Variants in ATN1 observed in about 807,000 individuals in gnomAD.
The protein encoded by ATN1 is atrophin 1.
In ATN1, 19 loss-of-function variants were observed where a neutral mutation model predicts 85.8. The observed-to-expected ratio is 0.22, with a 90% CI of 0.15 to 0.32. The LOEUF (loss-of-function observed/expected upper bound fraction) is 0.32, where lower values mean the gene tolerates loss of function less well. ATN1 is among the 10% of genes least tolerant of loss of function. The pLI is 1.00. For missense variants in ATN1, 1,453 were observed against 1,564.5 expected, an observed-to-expected ratio of 0.93 and a Z score of 1.20; for synonymous variants, 674 against 657.0, an observed-to-expected ratio of 1.03 and a Z score of -0.39.
Position 6,934,196 on chromosome 12 carries a change from G to A in ATN1, c.48G>A (p.Arg16=). ...NKDSMSMRSG[R]KKEAPGPREE... is the part of the protein sequence containing the mutation. ...TGTAGATGTCAATGAGGAGTGGACG[G>A]AAGAAAGAGGCCCCTGGGCCCCGGG... Residue 16 remains arginine, a synonymous_variant, in exon 3 of 10, where the codon CGG becomes CGA. Coordinates refer to ENST00000396684, the MANE Select transcript of ATN1 (RefSeq NM_001940.4). The surrounding 1 kb of genome is among the most constrained non-coding windows in gnomAD (Gnocchi z 4.5). The A allele has an allele frequency of 6.2e-7, 1 of 1,605,718 alleles. No individual in the cohort carries two copies. Among genetic ancestry groups the A allele is most frequent in the Non-Finnish European group, 8.5e-7 (1 of 1,177,960 alleles).
At chr12:6,931,860 C>A (rs1565563949) in intron 1 of ATN1, among the ~76,000 whole-genome samples, 1 of 150,608 alleles carries the variant, frequency 6.6e-6, no homozygotes, top group Non-Finnish European at 1.5e-5. Flanking sequence ...ATGGTGAAAC[C>A]CTGTCTCTAC....
rs1945524659 is a variant in ATN1, at chr12:6,935,882, G to A, written c.615G>A (p.Met205Ile). The A allele has an allele frequency of 2.5e-6, 4 of 1,613,670 alleles. No homozygotes were observed. The East Asian group carries it at 6.7e-5, about 27-fold the overall frequency. The change falls in exon 5 of 10, where the codon ATG becomes ATA. Residue 205 changes from methionine to isoleucine, a missense_variant. This residue lies in a region of ATN1 where 990 missense variants were observed against 914.8 expected (regional missense o/e 1.08). Coordinates refer to ENST00000396684, the MANE Select transcript of ATN1 (RefSeq NM_001940.4). This position sits in a 1 kb window ranked among gnomAD's most constrained non-coding sequence, Gnocchi z 5.3. ...CCATGGAGCCCCCCACATCTCGAATGTTCCAGGCTCCTCCTGGGGCCCCTC... is the reference window on the plus strand; with the variant it reads ...CCATGGAGCCCCCCACATCTCGAATATTCCAGGCTCCTCCTGGGGCCCCTC... The part of the protein sequence containing the change: ...HAPMEPPTSR[M>I]FQAPPGAPPP...
rs782725919 is a variant in ATN1 at position 6,937,995 on chromosome 12, G to A, written c.2445G>A (p.Lys815=). The A allele has an allele frequency of 1.1e-5, 17 of 1,546,076 alleles. No homozygotes were observed. Among genetic ancestry groups the A allele is most frequent in the African/African-American group, 5.5e-5 (4 of 72,964 alleles). The change falls in exon 6 of 10, where the codon AAG becomes AAA. Residue 815 remains lysine, a synonymous_variant. Transcript: ENST00000396684. The surrounding 1 kb of genome is among the most constrained non-coding windows in gnomAD (Gnocchi z 6.0). Reference sequence around the variant, plus strand: ...CCGAGCAGCGCGCGCGCGAAGAAAAGGAGCGCGAGCGCGAGCGGGAACGCG... The same window carrying A: ...CCGAGCAGCGCGCGCGCGAAGAAAAAGAGCGCGAGCGCGAGCGGGAACGCG... ...REAEQRAREE[K]EREREREREK...
chr12:6,936,813 CCCCACCCACTGGAGGGCGGTAGCT>C lies in ATN1; in HGVS notation c.1553_1576del (p.Pro518_His525del). 2 of 1,613,624 alleles carry C rather than the reference CCCCACCCACTGGAGGGCGGTAGCT, an allele frequency of 1.2e-6. No homozygotes were observed. Among genetic ancestry groups the C allele is most frequent in the Non-Finnish European group, 1.7e-6 (2 of 1,179,792 alleles). On this transcript the variant is annotated inframe_deletion, in exon 5 of 10. Transcript: ENST00000396684. Reference sequence around the variant, plus strand: ...TGGGCCCCCTCCTCCTGGAGCATTTCCCCACCCACTGGAGGGCGGTAGCTCCCACCACGCACACCCTTACGCCAT... The same window carrying C: ...TGGGCCCCCTCCTCCTGGAGCATTTCCCCACCACGCACACCCTTACGCCAT...
upstream of ATN1, among the ~76,000 whole-genome samples, chr12:6,925,194 A>T (rs1305101091): frequency 6.6e-6 from 1 of 151,656 alleles, no homozygotes; most frequent in African/African-American, 2.4e-5. Context: ...CCTGGCCCTC[A>T]GGTAGGGGAG....
intron 6 of ATN1, 60 bp downstream of exon 6, chr12:6,938,127 G>T (rs1309418861): frequency 1.1e-5 from 16 of 1,481,984 alleles, no homozygotes; most frequent in African/African-American, 1.4e-5. Context: ...TTCCCTCTGC[G>T]CTGCGCTGCG....
In ATN1 at chr12:6,935,988, G is replaced by C. The variant is rs1374203294; in HGVS notation, c.721G>C (p.Ala241Pro). ...AATGGGTCCCAAGGGGGGAGGGGCT[G>C]CCTCATCAGTGGGGGGCCCTAATGG... Reference protein sequence around the residue: ...PPMGPKGGGAASSVGGPNGGK... With the variant: ...PPMGPKGGGAPSSVGGPNGGK... The change falls in exon 5 of 10, where the codon GCC becomes CCC. Residue 241 changes from alanine to proline, a missense_variant. Ala to Pro is a conservative substitution (Grantham distance 27). Coordinates refer to ENST00000396684, the MANE Select transcript of ATN1 (RefSeq NM_001940.4). The surrounding 1 kb of genome is among the most constrained non-coding windows in gnomAD (Gnocchi z 5.3). The C allele has an allele frequency of 6.3e-7, 1 of 1,587,596 alleles. No individual in the cohort carries two copies. Among genetic ancestry groups the C allele is most frequent in the Non-Finnish European group, 8.6e-7 (1 of 1,166,744 alleles).
At chr12:6,927,072 C>T (rs1555142639), upstream of ATN1, among the ~76,000 whole-genome samples, 2 of 151,842 alleles carry the variant, frequency 1.3e-5, no homozygotes, top group Non-Finnish European at 2.9e-5. Context: ...GCGTTCCCTC[C>T]TCTCTCTCCT....
rs7969685 is a variant in ATN1, at chr12:6,937,980, C to A, written c.2430C>A (p.Arg810=). Residue 810 remains arginine, a synonymous_variant, in exon 6 of 10, where the codon CGC becomes CGA. Transcript: ENST00000396684. This position sits in a 1 kb window ranked among gnomAD's most constrained non-coding sequence, Gnocchi z 6.0. Reference sequence around the variant, plus strand: ...AGGTGCGGCGCGAGGCCGAGCAGCGCGCGCGCGAAGAAAAGGAGCGCGAGC... The same window carrying A: ...AGGTGCGGCGCGAGGCCGAGCAGCGAGCGCGCGAAGAAAAGGAGCGCGAGC... The part of the protein sequence containing the change: ...VEKVRREAEQ[R]AREEKERERE... 0.32 allele frequency: 495,295 copies of A among 1,552,886 alleles called. 84,985 individuals carry two copies. Among genetic ancestry groups the A allele is most frequent in the Non-Finnish European group, 0.36 (410,556 of 1,148,948 alleles).
At position 6,941,958 on chromosome 12, in the gene ATN1, TGTG is replaced by T; in HGVS notation, c.*182_*184del. ...GGACAGACAGAAGGCCAAGGCCCGA[TGTG>T]GTGTGCAGAGGTGGGGAGGTGGCGA... On this transcript the variant is annotated 3_prime_UTR_variant, in exon 10 of 10. Transcript: ENST00000396684. The surrounding 1 kb of genome is among the most constrained non-coding windows in gnomAD (Gnocchi z 5.9). The T allele has an allele frequency of 1.5e-6, 1 of 657,756 alleles. No individual in the cohort carries two copies. The highest frequency in any genetic ancestry group is 2.7e-6 in the Non-Finnish European group (1 of 371,912). The allele number at this position is 657,756 out of a possible 1,614,324, so 40.7% of individuals were successfully genotyped here. A position where few individuals can be genotyped will look rare whatever the true frequency, so the allele number is the denominator to read the frequency against.
rs1466740561 is a variant in ATN1, at chr12:6,938,008, G to C, written c.2458G>C (p.Glu820Gln). The change falls in exon 6 of 10, where the codon GAG becomes CAG. Residue 820 changes from glutamate (E) to glutamine (Q), a missense_variant. Physicochemically the swap from Glu to Gln is conservative, Grantham distance 29. Coordinates refer to ENST00000396684, the MANE Select transcript of ATN1 (RefSeq NM_001940.4). The stretch of plus-strand genomic sequence containing the variant: ...GCGCGAAGAAAAGGAGCGCGAGCGC[G>C]AGCGGGAACGCGAGAAAGAGCGCGA... ...RAREEKERER[E>Q]REREKERERE... 112 of 1,542,164 alleles carry C rather than the reference G, an allele frequency of 7.3e-5. No individual in the cohort carries two copies. Among genetic ancestry groups the C allele is most frequent in the Non-Finnish European group, 9.6e-5 (110 of 1,142,070 alleles).
In ATN1 at chr12:6,937,483, G is replaced by T; in HGVS notation, c.2216G>T (p.Ser739Ile). 6.5e-7 allele frequency: 1 copy of T among 1,545,838 alleles called. No individual in the cohort carries two copies. Reference protein sequence around the residue: ...EPAEEYETPESPVPPARSPSP... With the variant: ...EPAEEYETPEIPVPPARSPSP... ...GCTGAGGAGTATGAGACCCCCGAGAGCCCGGTGCCCCCAGCCCGCAGCCCC... is the reference window on the plus strand; with the variant it reads ...GCTGAGGAGTATGAGACCCCCGAGATCCCGGTGCCCCCAGCCCGCAGCCCC... The change falls in exon 5 of 10, where the codon AGC becomes ATC. Residue 739 changes from serine (S) to isoleucine (I), a missense_variant. This residue lies in a region of ATN1 where 990 missense variants were observed against 914.8 expected (regional missense o/e 1.08). Coordinates refer to ENST00000396684, the MANE Select transcript of ATN1 (RefSeq NM_001940.4). The surrounding 1 kb of genome is among the most constrained non-coding windows in gnomAD (Gnocchi z 6.0).
rs1945589866 is a variant in ATN1 at position 6,938,661 on chromosome 12, C to A, written c.2698C>A (p.Arg900Ser). The change falls in exon 7 of 10, where the codon CGC becomes AGC. Residue 900 changes from arginine to serine, a missense_variant. By Grantham distance (110) the Arg-to-Ser change is moderately radical. Coordinates refer to ENST00000396684, the MANE Select transcript of ATN1 (RefSeq NM_001940.4). ...ARPHVMSPGN[R>S]NHPFYVPLGA... ...GCCTCATGTCATGTCTCCTGGCAAT[C>A]GCAACCATCCATTCTACGTGCCCCT... 6.2e-7 allele frequency: 1 copy of A among 1,614,242 alleles called. No individual in the cohort carries two copies. The highest frequency in any genetic ancestry group is 8.5e-7 in the Non-Finnish European group (1 of 1,180,046).
chr12:6,940,929 C>T lies in ATN1; in HGVS notation c.3264C>T (p.His1088=), dbSNP rs782083544. 6.2e-7 allele frequency: 1 copy of T among 1,614,224 alleles called. No homozygotes were observed. Among genetic ancestry groups the T allele is most frequent in the East Asian group, 2.2e-5 (1 of 44,886 alleles). The change falls in exon 8 of 10, where the codon CAC becomes CAT. Residue 1088 remains histidine, a synonymous_variant. Coordinates refer to ENST00000396684, the MANE Select transcript of ATN1 (RefSeq NM_001940.4). The part of the protein sequence containing the change: ...PLIDPLASGS[H]LTRIPYPAGT... Reference sequence around the variant, plus strand: ...TTGACCCCCTGGCCTCAGGGTCTCACCTTACCCGGATCCCCTACCCAGCTG... The same window carrying T: ...TTGACCCCCTGGCCTCAGGGTCTCATCTTACCCGGATCCCCTACCCAGCTG...
At position 6,936,761 on chromosome 12, in the gene ATN1, G is replaced by T. The variant is rs199988271; in HGVS notation, c.1494G>T (p.Gln498His). The change falls in exon 5 of 10, where the codon CAG (glutamine) becomes CAT (histidine). Residue 498 changes from glutamine (Q) to histidine (H), a missense_variant. Gln to His is a conservative substitution (Grantham distance 24). Around this residue, in one of 6 missense-constraint regions of ATN1, gnomAD observed 990 missense variants for 914.8 expected, o/e 1.08. Transcript: ENST00000396684. ...AGCAGCAGCAGCAGCAGCAGCAGCA[G>T]CAGCAGCAGCAGCATCACGGAAACT... is the stretch of plus-strand genomic sequence containing the variant. Reference protein sequence around the residue: ...QQQQQQQQQQQQQQQHHGNSG... With the variant: ...QQQQQQQQQQHQQQQHHGNSG... 121 of 1,300,246 alleles carry T rather than the reference G, an allele frequency of 9.3e-5. No individual in the cohort carries two copies. The highest frequency in any genetic ancestry group is 1.2e-4 in the Non-Finnish European group (115 of 925,512). 80.5% of individuals were successfully genotyped at this position (1,300,246 alleles called of 1,614,324 possible).
chr12:6,941,439 G>T lies in ATN1; in HGVS notation c.3424G>T (p.Ala1142Ser). ...APMSAAHQLQ[A>S]MHAQSAELQR... ...GATGTCAGCAGCTCATCAGCTGCAG[G>T]CCATGCACGCACAGTCAGCTGAGCT... The change falls in exon 9 of 10, where the codon GCC (alanine) becomes TCC (serine). Residue 1142 changes from alanine (A) to serine (S), a missense_variant. Around this residue, in one of 6 missense-constraint regions of ATN1, gnomAD observed 118 missense variants for 163.7 expected, o/e 0.72. Coordinates refer to ENST00000396684, the MANE Select transcript of ATN1 (RefSeq NM_001940.4). This position sits in a 1 kb window ranked among gnomAD's most constrained non-coding sequence, Gnocchi z 5.9. 6.2e-7 allele frequency: 1 copy of T among 1,612,350 alleles called. No individual in the cohort carries two copies. Among genetic ancestry groups the T allele is most frequent in the Non-Finnish European group, 8.5e-7 (1 of 1,179,586 alleles).
At position 6,941,942 on chromosome 12, in the gene ATN1, GA is replaced by G; in HGVS notation, c.*164del. 2 of 710,092 alleles carry G rather than the reference GA, an allele frequency of 2.8e-6. No individual in the cohort carries two copies. The highest frequency in any genetic ancestry group is 2.6e-5 in the East Asian group (1 of 38,000). 44.0% of individuals were successfully genotyped at this position (710,092 alleles called of 1,614,324 possible). A position where few individuals can be genotyped will look rare whatever the true frequency, so the allele number is the denominator to read the frequency against. On this transcript the variant is annotated 3_prime_UTR_variant, in exon 10 of 10. Transcript: ENST00000396684. This position sits in a 1 kb window ranked among gnomAD's most constrained non-coding sequence, Gnocchi z 5.9. ...AGAGTGGGGGAGGGAGGGACAGACAGAAGGCCAAGGCCCGATGTGGTGTGCA... is the reference window on the plus strand; with the variant it reads ...AGAGTGGGGGAGGGAGGGACAGACAGAGGCCAAGGCCCGATGTGGTGTGCA...
At position 6,936,340 on chromosome 12, in the gene ATN1, C is replaced by G. The variant is rs142366172; in HGVS notation, c.1073C>G (p.Ser358Cys). The G allele has an allele frequency of 1.7e-5, 27 of 1,613,924 alleles. No individual in the cohort carries two copies. In the African/African-American group the frequency reaches 3.5e-4, roughly 21 times the overall value. The change falls in exon 5 of 10, where the codon TCT (serine) becomes TGT (cysteine). Residue 358 changes from serine to cysteine, a missense_variant. Coordinates refer to ENST00000396684, the MANE Select transcript of ATN1 (RefSeq NM_001940.4). Reference sequence around the variant, plus strand: ...CCAACTCTGGCTCCTTCACCCCACTCTCTGCCTCCTGCTTCCTCTTCTGCT... The same window carrying G: ...CCAACTCTGGCTCCTTCACCCCACTGTCTGCCTCCTGCTTCCTCTTCTGCT... ...KGPTLAPSPHSLPPASSSAPA... is the reference protein window; with the variant it reads ...KGPTLAPSPHCLPPASSSAPA...
rs1386302170 is a variant in ATN1, at chr12:6,935,311, T to C, written c.280-236T>C. 6.6e-6 allele frequency among the ~76,000 whole-genome samples: 1 copy of C among 151,942 alleles called. No homozygotes were observed. The highest frequency in any genetic ancestry group is 1.9e-4 in the East Asian group (1 of 5,186). On this transcript the variant is annotated intron_variant, in intron 4 of 9. Transcript: ENST00000396684. This position sits in a 1 kb window ranked among gnomAD's most constrained non-coding sequence, Gnocchi z 5.3. The stretch of plus-strand genomic sequence containing the variant: ...GAGACAAGGTGCTTGAGATGGATCC[T>C]TGAGGAAGGAATAGGGTTTTACAGG...
Sources: allele counts gnomAD v4.1 joint callset (sites outside exome capture counted in the v4.1 genomes callset), GRCh38; gene constraint gnomAD v4.1.1; regional missense constraint gnomAD v4.1.1; non-coding constraint Gnocchi (gnomAD v3.1); transcripts MANE v1.5; gene names NCBI Gene and HGNC (gene_info 2026-07-23, HGNC 2026-07-21).